Variants in AZIN1 observed in about 807,000 individuals in gnomAD.
The protein encoded by AZIN1 is antizyme inhibitor 1.
In AZIN1, 12 loss-of-function variants were observed where a neutral mutation model predicts 47.4. The ratio of observed to expected loss-of-function variants is 0.25; its 90% CI spans 0.16 to 0.41. AZIN1 has a LOEUF of 0.41. Ranked by LOEUF, AZIN1 falls within the 10% of genes least tolerant of loss-of-function variation. The probability of loss-of-function intolerance (pLI) is 1.00; values close to 1 mark genes in which losing one functional copy is unlikely to be tolerated. For synonymous variants in AZIN1, 155 were observed against 176.3 expected, an observed-to-expected ratio of 0.88 and a Z score of 0.96; for missense variants, 410 against 532.4, an observed-to-expected ratio of 0.77 and a Z score of 2.26.
At chr8:102,855,444 T>TA (rs1813223286) in intron 2 of AZIN1, 1 of 152,216 alleles carries the variant, frequency 6.6e-6, no homozygotes, top group African/African-American at 2.4e-5. Context: ...AATATTTTGT[T>TA]AAGACATTTT....
chr8:102,831,150 C>CA (rs1228527454), intron 9 of AZIN1, among the ~76,000 whole-genome samples: 1 of 151,684 alleles, frequency 6.6e-6, no homozygotes, highest in Non-Finnish European at 1.5e-5. Context: ...CTTGATATAC[C>CA]AAAAAATAAC....
chr8:102,839,919 A>G, intron 3 of AZIN1, 96 bp from the exon 4 acceptor site: 2 of 824,676 alleles, frequency 2.4e-6, no homozygotes, highest in South Asian at 4.2e-5. Context: ...CTCCACAAAT[A>G]TATGGGTCAA....
chr8:102,848,842 T>G (rs1041721736), intron 2 of AZIN1, among the ~76,000 whole-genome samples: 1 of 152,236 alleles, frequency 6.6e-6, no homozygotes, highest in Non-Finnish European at 1.5e-5. Flanking sequence ...AAGAAATATT[T>G]TGCCAAAACG....
At chr8:102,849,386 T>TG (rs1812786856) in intron 2 of AZIN1, among the ~76,000 whole-genome samples, 1 of 152,178 alleles carries the variant, frequency 6.6e-6, no homozygotes, top group East Asian at 1.9e-4. Context: ...ACCAAGGTGA[T>TG]ATATCAAGTA....
chr8:102,844,615 T>G (rs1376543715), intron 2 of AZIN1, among the ~76,000 whole-genome samples: 1 of 146,238 alleles, frequency 6.8e-6, no homozygotes, highest in Non-Finnish European at 1.5e-5. Flanking sequence ...ACCTTAATTA[T>G]TTCTTCAACA....
At chr8:102,830,650 C>CAA (rs891178954) in intron 9 of AZIN1, among the ~76,000 whole-genome samples, 6 of 116,822 alleles carry the variant, frequency 5.1e-5, no homozygotes, top group African/African-American at 1.9e-4. Context: ...GTCTCAAAAA[C>CAA]AAAAAAAAAA....
chr8:102,848,565 A>G (rs1472078606), intron 2 of AZIN1, among the ~76,000 whole-genome samples: 3 of 152,152 alleles, frequency 2.0e-5, no homozygotes, highest in Non-Finnish European at 2.9e-5. Flanking sequence ...TCTTGAGGCA[A>G]CAAACTCTTT....
At chr8:102,845,253 A>C (rs2570941) in intron 2 of AZIN1, among the ~76,000 whole-genome samples, 32,650 of 151,954 alleles carry the variant, frequency 0.21, 4,069 homozygotes, top group South Asian at 0.38. Context: ...TGGCTGCACC[A>C]AAACAGTCCT....
At chr8:102,857,253 G>C (rs773126301) in intron 2 of AZIN1, among the ~76,000 whole-genome samples, 1 of 152,098 alleles carries the variant, frequency 6.6e-6, no homozygotes, top group African/African-American at 2.4e-5. Context: ...TGTTTAACAA[G>C]ATCAGATTAA....
chr8:102,828,787 T>TA (rs1449008278), intron 11 of AZIN1, 109 bp from the exon 12 acceptor site: 5 of 659,540 alleles, frequency 7.6e-6, no homozygotes, highest in African/African-American at 3.6e-5. Flanking sequence ...CAAAAACCTT[T>TA]AAAAGATCAT....
chr8:102,844,829 C>G (rs1812459710), intron 2 of AZIN1, among the ~76,000 whole-genome samples: 1 of 152,156 alleles, frequency 6.6e-6, no homozygotes, highest in South Asian at 2.1e-4. Flanking sequence ...AGGCTAAATC[C>G]TATCCCTCTC....
intron 2 of AZIN1, among the ~76,000 whole-genome samples, chr8:102,851,406 T>C (rs1035323813): frequency 1.3e-5 from 2 of 152,076 alleles, no homozygotes; most frequent in African/African-American, 4.8e-5. Context: ...GTTAAGCAGG[T>C]TATTAAGAAA....
intron 5 of AZIN1, among the ~76,000 whole-genome samples, chr8:102,837,085 A>AT (rs1384808749): frequency 2.0e-5 from 3 of 151,726 alleles, no homozygotes; most frequent in Non-Finnish European, 4.4e-5. Context: ...CGCCCAGCTA[A>AT]TTTTTTTTAT....
chr8:102,833,882 G>T (rs1811639276), intron 8 of AZIN1, among the ~76,000 whole-genome samples: 1 of 142,368 alleles, frequency 7.0e-6, no homozygotes, highest in Admixed American at 7.1e-5. Flanking sequence ...GGGCAACACA[G>T]GAAGACTTTA....
intron 2 of AZIN1, among the ~76,000 whole-genome samples, chr8:102,857,376 A>C (rs1813358295): frequency 6.6e-6 from 1 of 152,116 alleles, no homozygotes; most frequent in Non-Finnish European, 1.5e-5. Context: ...CGTAACAATA[A>C]GTCTATATAC....
intron 1 of AZIN1, among the ~76,000 whole-genome samples, chr8:102,858,545 T>C (rs62522613): frequency 3.9e-5 from 6 of 152,202 alleles, no homozygotes; most frequent in Non-Finnish European, 7.3e-5. Context: ...TACAAGACTT[T>C]ATATGAATAA....
At chr8:102,842,265 T>G (rs1812248179) in intron 3 of AZIN1, among the ~76,000 whole-genome samples, 1 of 152,160 alleles carries the variant, frequency 6.6e-6, no homozygotes. Flanking sequence ...AGTAAATTAA[T>G]ATCCACTGAA....
chr8:102,839,798 C>A lies in AZIN1; in HGVS notation c.128G>T (p.Gly43Val). The change falls in exon 4 of 12, where the codon GGA becomes GTA. Residue 43 changes from glycine to valine, a missense_variant. Gly to Val is a moderately radical substitution (Grantham distance 109). This residue lies in a region of AZIN1 where 237 missense variants were observed against 309.4 expected (regional missense o/e 0.77). Transcript: ENST00000337198. The stretch of plus-strand genomic sequence containing the variant: ...TTTCTTCACAATCTTTCCAAGATCT[C>A]CCACAAAAAATGCATTTTTCCCTGT... ...TLTGKNAFFV[G>V]DLGKIVKKHS... 6.3e-7 allele frequency: 1 copy of A among 1,596,788 alleles called. No individual in the cohort carries two copies. Among genetic ancestry groups the A allele is most frequent in the Non-Finnish European group, 8.5e-7 (1 of 1,172,578 alleles).
At chr8:102,863,457 A>G (rs1253651389) in intron 1 of AZIN1, among the ~76,000 whole-genome samples, 1 of 151,048 alleles carries the variant, frequency 6.6e-6, no homozygotes, top group Non-Finnish European at 1.5e-5. Context: ...GCACCACGGG[A>G]GAGGGGTGGG....
Sources: allele counts gnomAD v4.1 joint callset (sites outside exome capture counted in the v4.1 genomes callset), GRCh38; gene constraint gnomAD v4.1.1; regional missense constraint gnomAD v4.1.1; transcripts MANE v1.5; gene names NCBI Gene and HGNC (gene_info 2026-07-23, HGNC 2026-07-21).